The following NRG3 variants were observed in gnomAD, a reference collection of about 807,000 sequenced individuals.
The protein encoded by NRG3 is neuregulin 3.
In NRG3, 31 loss-of-function variants were observed where a neutral mutation model predicts 66.9. That is an observed-to-expected ratio of 0.46 (90% CI 0.35 to 0.63). The LOEUF (loss-of-function observed/expected upper bound fraction) is 0.63, where lower values mean the gene tolerates loss of function less well. NRG3 is among the 20% of genes least tolerant of loss of function. The pLI is 0.00. For synonymous variants in NRG3, 393 were observed against 359.4 expected, an observed-to-expected ratio of 1.09 and a Z score of -1.06; for missense variants, 910 against 878.9, an observed-to-expected ratio of 1.04 and a Z score of -0.45.
intron 4 of NRG3, among the ~76,000 whole-genome samples, chr10:82,873,487 A>C (rs1196423472): frequency 1.3e-5 from 2 of 152,168 alleles, no homozygotes; most frequent in East Asian, 3.9e-4. Context: ...AGAAACAACC[A>C]ATCATTTAGT....
intron 1 of NRG3, among the ~76,000 whole-genome samples, chr10:82,023,631 C>T (rs2062162024): frequency 6.6e-6 from 1 of 152,008 alleles, no homozygotes; most frequent in Non-Finnish European, 1.5e-5. Flanking sequence ...GTTCTTGATT[C>T]TGTTAATGTC....
At chr10:81,962,351 C>T (rs1472890085) in intron 1 of NRG3, among the ~76,000 whole-genome samples, 1 of 152,132 alleles carries the variant, frequency 6.6e-6, no homozygotes, top group Non-Finnish European at 1.5e-5. Context: ...CTCTTGCTAC[C>T]ACCATTGCAT....
chr10:82,969,587 T>C (rs1851542971), intron 6 of NRG3, among the ~76,000 whole-genome samples: 2 of 152,222 alleles, frequency 1.3e-5, no homozygotes, highest in African/African-American at 4.8e-5. Context: ...AAAATTCGGA[T>C]TCTGGTTCAA....
intron 1 of NRG3, among the ~76,000 whole-genome samples, chr10:81,955,135 AAT>A (rs900874378): frequency 8.1e-5 from 12 of 147,608 alleles, no homozygotes; most frequent in African/African-American, 2.7e-4. Context: ...CCTGTTATAT[AAT>A]ATATATGTTA....
intron 4 of NRG3, among the ~76,000 whole-genome samples, chr10:82,916,064 A>G (rs1845801557): frequency 6.6e-6 from 1 of 152,208 alleles, no homozygotes; most frequent in Non-Finnish European, 1.5e-5. Context: ...TTCTATTTGT[A>G]TAAGGCTTTA....
chr10:82,718,409 C>T (rs1311952539), intron 2 of NRG3, among the ~76,000 whole-genome samples: 1 of 152,156 alleles, frequency 6.6e-6, no homozygotes, highest in Non-Finnish European at 1.5e-5. Context: ...TCAATGTCTA[C>T]TTCTTGTTTA....
intron 2 of NRG3, among the ~76,000 whole-genome samples, chr10:82,501,776 C>T (rs1050408920): frequency 6.6e-6 from 1 of 152,130 alleles, no homozygotes; most frequent in Non-Finnish European, 1.5e-5. Flanking sequence ...AAAAATGGGA[C>T]TTTTTAGTTC....
chr10:82,330,736 G>A (rs1315173144), intron 1 of NRG3, among the ~76,000 whole-genome samples: 2 of 151,726 alleles, frequency 1.3e-5, no homozygotes, highest in African/African-American at 4.9e-5. Context: ...TTCCTAAGTT[G>A]GTCAACATAA....
chr10:82,379,910 C>CAA (rs11423046), intron 2 of NRG3, among the ~76,000 whole-genome samples: 117 of 78,530 alleles, frequency 1.5e-3, no homozygotes, highest in East Asian at 3.3e-3. Context: ...ATGAACAATC[C>CAA]AAAAAAAAAA....
At chr10:82,148,874 C>A (rs995055189) in intron 1 of NRG3, among the ~76,000 whole-genome samples, 1 of 151,960 alleles carries the variant, frequency 6.6e-6, no homozygotes, top group Non-Finnish European at 1.5e-5. Flanking sequence ...ACACTTCTTG[C>A]TTGCCTGTCC....
intron 2 of NRG3, among the ~76,000 whole-genome samples, chr10:82,482,491 G>T (rs1246603995): frequency 6.6e-6 from 1 of 152,156 alleles, no homozygotes; most frequent in Non-Finnish European, 1.5e-5. Flanking sequence ...TCTATTCCTG[G>T]CACTAACCTT....
At chr10:81,956,780 A>T (rs1163206858) in intron 1 of NRG3, among the ~76,000 whole-genome samples, 1 of 152,170 alleles carries the variant, frequency 6.6e-6, no homozygotes, top group East Asian at 1.9e-4. Context: ...TAAAACCTCC[A>T]GTAACTTCCT....
At chr10:82,752,032 G>A in intron 3 of NRG3, among the ~76,000 whole-genome samples, 1 of 152,190 alleles carries the variant, frequency 6.6e-6, no homozygotes, top group East Asian at 1.9e-4. Flanking sequence ...AATTTTGATT[G>A]AATGAGTGAA....
chr10:81,980,844 T>G (rs989591552), intron 1 of NRG3, among the ~76,000 whole-genome samples: 1 of 152,224 alleles, frequency 6.6e-6, no homozygotes, highest in Non-Finnish European at 1.5e-5. Flanking sequence ...TCACATGATC[T>G]TTTCTTTTGT....
intron 2 of NRG3, among the ~76,000 whole-genome samples, chr10:82,726,641 G>T (rs921318163): frequency 1.2e-4 from 19 of 152,108 alleles, no homozygotes; most frequent in Admixed American, 1.2e-3. Context: ...CCAGTCTCGG[G>T]TATGTCTTTA....
chr10:81,942,457 C>G (rs1169058048), intron 1 of NRG3, among the ~76,000 whole-genome samples: 1 of 152,132 alleles, frequency 6.6e-6, no homozygotes, highest in East Asian at 1.9e-4. Flanking sequence ...TACACCCCCT[C>G]TATAATTAGG....
chr10:82,831,605 A>G (rs1421980041), intron 3 of NRG3, among the ~76,000 whole-genome samples: 4 of 152,122 alleles, frequency 2.6e-5, no homozygotes, highest in Admixed American at 6.5e-5. Context: ...CCCTGAGGTC[A>G]GGAGTTCAAA....
At chr10:82,674,221 C>A (rs1174916644) in intron 2 of NRG3, among the ~76,000 whole-genome samples, 1 of 152,090 alleles carries the variant, frequency 6.6e-6, no homozygotes, top group African/African-American at 2.4e-5. Flanking sequence ...GACAAGAGAA[C>A]TCAATATGGA....
At chr10:82,818,628 CT>C (rs1435615777) in intron 3 of NRG3, among the ~76,000 whole-genome samples, 1 of 151,842 alleles carries the variant, frequency 6.6e-6, no homozygotes, top group African/African-American at 2.4e-5. Context: ...GGGAGTCTTT[CT>C]TTTTTTTCTT....
Sources: gnomAD v4.1 joint callset for allele counts (sites outside exome capture counted in the v4.1 genomes callset) on GRCh38, gnomAD v4.1.1 for gene constraint, MANE v1.5 for transcripts, NCBI Gene and HGNC (gene_info 2026-07-23, HGNC 2026-07-21) for gene names.